Variants in CCNC observed in about 807,000 individuals in gnomAD.
The protein encoded by CCNC is cyclin C.
A neutral mutation model predicts 50.0 loss-of-function variants in CCNC; 19 were observed. That is an observed-to-expected ratio of 0.38 (90% CI 0.27 to 0.56). The LOEUF (loss-of-function observed/expected upper bound fraction) is 0.56, where lower values mean the gene tolerates loss of function less well. Among genes scored for constraint, CCNC ranks in the 20% least tolerant of loss-of-function variants. The probability of loss-of-function intolerance (pLI) is 0.72; values close to 1 mark genes in which losing one functional copy is unlikely to be tolerated. For synonymous variants in CCNC, 93 were observed against 103.7 expected (o/e 0.90, Z 0.63); for missense variants, 200 against 327.1 (o/e 0.61, Z 3.00).
In CCNC at chr6:99,568,362, T is replaced by C. The variant is rs868804592; in HGVS notation, c.32+134A>G. ...GCCTCAGAAAAGCGCATCTTGATTCTGACCGCTGCGGTCTCCCGTGAGGAC... is the reference window on the plus strand; with the variant it reads ...GCCTCAGAAAAGCGCATCTTGATTCCGACCGCTGCGGTCTCCCGTGAGGAC... On this transcript the variant is annotated intron_variant, in intron 1 of 11. Coordinates refer to ENST00000520429, the MANE Select transcript of CCNC (RefSeq NM_005190.4). The C allele has an allele frequency of 4.8e-5, 40 of 832,438 alleles. 1 individual carries two copies. In the South Asian group the frequency reaches 5.5e-4, roughly 11 times the overall value. The allele number at this position is 832,438 out of a possible 1,614,324, so 51.6% of individuals were successfully genotyped here.
chr6:99,568,120 C>T (rs1394444207), intron 1 of CCNC: 1 of 213,142 alleles, frequency 4.7e-6, no homozygotes, highest in African/African-American at 2.3e-5. Flanking sequence ...TAAAAGCACG[C>T]CACAACTGTC....
rs771528577 is a variant in CCNC, at chr6:99,550,293, A to G, written c.455T>C (p.Val152Ala). Residue 152 changes from valine to alanine, a missense_variant, in exon 8 of 12, where the codon GTG becomes GCG. Physicochemically the swap from Val to Ala is moderately conservative, Grantham distance 64. Coordinates refer to ENST00000520429, the MANE Select transcript of CCNC (RefSeq NM_005190.4). ...LLELMDCCLI[V>A]YHPYRPLLQY... is the part of the protein sequence containing the mutation. ...GAGCAAAGGTCTATAAGGATGATAC[A>G]CTATCAAGCAACAATCCTAGAAACA... is the stretch of plus-strand genomic sequence containing the variant. The G allele has an allele frequency of 1.1e-5, 18 of 1,609,882 alleles. No homozygotes were observed. In the Admixed American group the frequency reaches 1.2e-4, roughly 11 times the overall value.
At chr6:99,550,180 T>C in intron 8 of CCNC, 38 bp downstream of exon 8, 1 of 1,368,524 alleles carries the variant, frequency 7.3e-7, no homozygotes, top group Non-Finnish European at 1.0e-6. Flanking sequence ...TCCTATCTAA[T>C]AACATGTTAC....
Position 99,543,615 on chromosome 6 carries a change from C to A in CCNC, c.798-6G>T. The A allele has an allele frequency of 6.2e-7, 1 of 1,612,866 alleles. No individual in the cohort carries two copies. The highest frequency in any genetic ancestry group is 8.5e-7 in the Non-Finnish European group (1 of 1,179,262). On this transcript the variant is annotated splice_region_variant and splice_polypyrimidine_tract_variant and intron_variant, in intron 11 of 11. Coordinates refer to ENST00000520429, the MANE Select transcript of CCNC (RefSeq NM_005190.4). ...TTGGACCCTGCTCTCCTTCACTGTT[C>A]AAATGGGGAAGAAAGAGATTTTATA...
At chr6:99,561,097 G>A (rs1021011165) in intron 4 of CCNC, among the ~76,000 whole-genome samples, 1 of 152,150 alleles carries the variant, frequency 6.6e-6, no homozygotes, top group African/African-American at 2.4e-5. Context: ...CTTCATCTCT[G>A]TCTCAGTTTC....
At position 99,545,149 on chromosome 6, in the gene CCNC, G is replaced by T; in HGVS notation, c.760C>A (p.Leu254Ile). The T allele has an allele frequency of 6.2e-7, 1 of 1,610,120 alleles. No homozygotes were observed. Among genetic ancestry groups the T allele is most frequent in the Non-Finnish European group, 8.5e-7 (1 of 1,176,538 alleles). The part of the protein sequence containing the change: ...FDERKEMATI[L>I]SKMPKPKPPP... Reference sequence around the variant, plus strand: ...GGTTTTGGTTTTGGCATCTTACTAAGAATGGTTGCCATCTCTTTTCTCTCA... The same window carrying T: ...GGTTTTGGTTTTGGCATCTTACTAATAATGGTTGCCATCTCTTTTCTCTCA... Residue 254 changes from leucine (L) to isoleucine (I), a missense_variant, in exon 11 of 12, where the codon CTT becomes ATT. Transcript: ENST00000520429.
At chr6:99,554,602 A>C (rs971100047) in intron 5 of CCNC, among the ~76,000 whole-genome samples, 1 of 152,210 alleles carries the variant, frequency 6.6e-6, no homozygotes, top group African/African-American at 2.4e-5. Context: ...AGCTTTGGTC[A>C]GTGGGAGCTC....
intron 2 of CCNC, chr6:99,562,605 G>A (rs1802827365): frequency 2.5e-6 from 1 of 398,400 alleles, no homozygotes. Flanking sequence ...TAAAGTCTTA[G>A]GGAGATTAGG....
intron 5 of CCNC, among the ~76,000 whole-genome samples, chr6:99,552,641 A>G (rs1223037532): frequency 1.3e-5 from 2 of 152,238 alleles, no homozygotes; most frequent in Non-Finnish European, 2.9e-5. Context: ...TATTCAAGCC[A>G]TTATGACACA....
chr6:99,561,516 GAC>G, intron 3 of CCNC, 79 bp downstream of exon 3: 1 of 1,334,190 alleles, frequency 7.5e-7, no homozygotes, highest in Non-Finnish European at 1.1e-6. Flanking sequence ...CTCTATGGTA[GAC>G]ACATGATTCA....
At chr6:99,567,235 A>G (rs1320566289) in intron 1 of CCNC, among the ~76,000 whole-genome samples, 2 of 150,066 alleles carry the variant, frequency 1.3e-5, no homozygotes, top group East Asian at 2.0e-4. Context: ...CTACTTGTCA[A>G]TTCTCTCAGC....
At chr6:99,568,264 A>C in intron 1 of CCNC, 1 of 577,176 alleles carries the variant, frequency 1.7e-6, no homozygotes. Context: ...CGGGAGACGA[A>C]ACTCTCTCCC....
intron 1 of CCNC, 47 bp downstream of exon 1, chr6:99,568,449 G>T: frequency 6.3e-7 from 1 of 1,580,902 alleles, no homozygotes; most frequent in Non-Finnish European, 8.7e-7. Context: ...CGTCCTCACA[G>T]CTCCCCCAAA....
At chr6:99,561,280 A>G (rs935892461) in intron 4 of CCNC, 87 bp downstream of exon 4, 8 of 842,720 alleles carry the variant, frequency 9.5e-6, no homozygotes, top group Non-Finnish European at 1.6e-5. Context: ...CCATTTATTA[A>G]TTTTACATAG....
At chr6:99,568,456 C>CT (rs1379714616) in intron 1 of CCNC, 40 bp downstream of exon 1, 1 of 1,601,804 alleles carries the variant, frequency 6.2e-7, no homozygotes, top group Non-Finnish European at 8.5e-7. Flanking sequence ...ACAGCTCCCC[C>CT]AAAAACCGGC....
intron 5 of CCNC, among the ~76,000 whole-genome samples, chr6:99,553,557 T>C (rs1325832271): frequency 6.6e-6 from 1 of 152,236 alleles, no homozygotes; most frequent in Non-Finnish European, 1.5e-5. Context: ...TTATCATCTA[T>C]TCAATTGATA....
intron 11 of CCNC, chr6:99,544,361 C>T: frequency 8.2e-7 from 1 of 1,226,714 alleles, no homozygotes; most frequent in East Asian, 2.6e-5. Context: ...CAAATTGTAA[C>T]ATTAACTTAT....
intron 5 of CCNC, 187 bp downstream of exon 5, chr6:99,558,310 T>G: frequency 2.6e-6 from 2 of 759,220 alleles, no homozygotes; most frequent in South Asian, 6.9e-5. Flanking sequence ...TATCTTTATA[T>G]CTTTTTAAAA....
intron 8 of CCNC, 152 bp from the exon 9 acceptor site, chr6:99,549,727 C>T: frequency 1.9e-6 from 1 of 522,364 alleles, no homozygotes; most frequent in Non-Finnish European, 3.4e-6. Flanking sequence ...AACATCAAGG[C>T]AAAAGGATGG....
Sources: allele counts gnomAD v4.1 joint callset (sites outside exome capture counted in the v4.1 genomes callset), GRCh38; gene constraint gnomAD v4.1.1; transcripts MANE v1.5; gene names NCBI Gene and HGNC (gene_info 2026-07-23, HGNC 2026-07-21).